GTF2IRD2: variants seen among roughly 807,000 people sequenced by gnomAD.
GTF2IRD2 encodes the protein GTF2I repeat domain containing 2.
GTF2IRD2 carries 8 observed loss-of-function variants against 49.2 expected under a neutral mutation model. That is an observed-to-expected ratio of 0.16 (90% CI 0.10 to 0.29). The LOEUF is 0.29. Among genes scored for constraint, GTF2IRD2 ranks in the 10% least tolerant of loss-of-function variants. The pLI is 1.00. For synonymous variants in GTF2IRD2, 47 were observed against 289.7 expected (o/e 0.16, Z 8.51); for missense variants, 130 against 725.7 (o/e 0.18, Z 9.43).
At chr7:74,798,564 A>G (rs1797212153) in intron 15 of GTF2IRD2, among the ~76,000 whole-genome samples, 1 of 151,110 alleles carries the variant, frequency 6.6e-6, no homozygotes, top group African/African-American at 2.4e-5. Context: ...GCTGCAGTGC[A>G]GTGGCGCAAT....
At chr7:74,818,213 T>C (rs1299257839) in intron 8 of GTF2IRD2, among the ~76,000 whole-genome samples, 7 of 46,618 alleles carry the variant, frequency 1.5e-4, no homozygotes, top group Non-Finnish European at 2.2e-4. Context: ...TGTACCTATA[T>C]TGTAAAACAT....
At position 74,836,288 on chromosome 7, in the gene GTF2IRD2, C is replaced by T. The variant is rs200003286; in HGVS notation, c.91G>A (p.Glu31Lys). The change falls in exon 2 of 16, where the codon GAA becomes AAA. Residue 31 changes from glutamate (E) to lysine (K), a missense_variant. Coordinates refer to ENST00000451013, the MANE Select transcript of GTF2IRD2 (RefSeq NM_173537.5). ...GTGTCAGGCTGTCTCACCATGGATTCGAGGGCAGACACGAGGAATGTCACC... is the reference window on the plus strand; with the variant it reads ...GTGTCAGGCTGTCTCACCATGGATTTGAGGGCAGACACGAGGAATGTCACC... ...MVVTFLVSAL[E>K]SMCKELAKSK... The T allele has an allele frequency of 1.3e-5, 21 of 1,609,616 alleles. No individual in the cohort carries two copies. The highest frequency in any genetic ancestry group is 8.5e-5 in the African/African-American group (6 of 70,882).
At chr7:74,829,892 A>AAACAAAAAAAAAAG (rs1436434412) in intron 3 of GTF2IRD2, among the ~76,000 whole-genome samples, 1 of 22,490 alleles carries the variant, frequency 4.4e-5, no homozygotes, top group Non-Finnish European at 1.8e-4. Context: ...TGTCTCAAAA[A>AAACAAAAAAAAAAG]AAAAAAAAAA....
intron 11 of GTF2IRD2, among the ~76,000 whole-genome samples, chr7:74,808,714 A>G (rs1797933604): frequency 1.3e-5 from 1 of 79,120 alleles, no homozygotes; most frequent in Non-Finnish European, 2.9e-5. Context: ...ATTATACTAC[A>G]TTAGAGATTT....
chr7:74,839,440 A>G lies in GTF2IRD2; in HGVS notation c.-5-3057T>C. ...CATCAAAGAATATGTAACGGCAAAG[A>G]CATGTTAAGTTCCCATTCACCAGAA... On this transcript the variant is annotated intron_variant, in intron 1 of 15. Coordinates refer to ENST00000451013, the MANE Select transcript of GTF2IRD2 (RefSeq NM_173537.5). Among the ~76,000 whole-genome samples, 2 of 15,728 alleles carry G rather than the reference A, an allele frequency of 1.3e-4. 1 individual carries two copies. The highest frequency in any genetic ancestry group is 1.9e-4 in the Non-Finnish European group (2 of 10,762). The allele number at this position is 15,728 out of a possible 152,430, so 10.3% of individuals were successfully genotyped here.
intron 1 of GTF2IRD2, among the ~76,000 whole-genome samples, chr7:74,842,353 C>T (rs1347329380): frequency 3.0e-5 from 4 of 135,246 alleles, no homozygotes; most frequent in Admixed American, 7.4e-5. Context: ...CCTCAGCCTC[C>T]TGAGTAGCTA....
At chr7:74,831,512 C>T (rs1554420390) in intron 3 of GTF2IRD2, among the ~76,000 whole-genome samples, 2 of 147,492 alleles carry the variant, frequency 1.4e-5, no homozygotes, top group Admixed American at 6.9e-5. Context: ...CATACACACA[C>T]ACACACACAC....
intron 1 of GTF2IRD2, among the ~76,000 whole-genome samples, chr7:74,851,151 C>G (rs1801561126): frequency 2.3e-5 from 1 of 42,596 alleles, no homozygotes; most frequent in African/African-American, 1.6e-4. Flanking sequence ...CCATTGCCCC[C>G]GCGGCAAGGC....
chr7:74,838,379 A>T lies in GTF2IRD2; in HGVS notation c.-5-1996T>A, dbSNP rs1238255777. 9.3e-5 allele frequency among the ~76,000 whole-genome samples: 10 copies of T among 107,258 alleles called. 1 individual carries two copies. The highest frequency in any genetic ancestry group is 8.6e-4 in the South Asian group (3 of 3,502). The allele number at this position is 107,258 out of a possible 152,430, so 70.4% of individuals were successfully genotyped here. On this transcript the variant is annotated intron_variant, in intron 1 of 15. Transcript: ENST00000451013. ...AAAGCTCACTCTAAATTTTGCCAAG[A>T]TTTTTTTTTTTTTTTTTAGCTTTTT...
At chr7:74,846,794 G>A (rs1259417011) in intron 1 of GTF2IRD2, among the ~76,000 whole-genome samples, 4 of 55,994 alleles carry the variant, frequency 7.1e-5, no homozygotes, top group African/African-American at 2.0e-4. Flanking sequence ...CCATGCGCCT[G>A]GCTAATTTTG....
chr7:74,815,797 GGAAAGAAAGAAAGAAAGAAAGAAAGAAA>G (rs1189790776), intron 8 of GTF2IRD2, among the ~76,000 whole-genome samples: 1 of 45,880 alleles, frequency 2.2e-5, no homozygotes, highest in Non-Finnish European at 4.3e-5. Flanking sequence ...AAAGAAAGAA[GGAAAGAAAGAAAGAAAGAAAGAAAGAAA>G]GAAAGAAAGA....
chr7:74,851,438 C>G lies in GTF2IRD2; in HGVS notation c.-77G>C, dbSNP rs1801581084. 4.4e-5 allele frequency: 2 copies of G among 45,616 alleles called. No individual in the cohort carries two copies. The highest frequency in any genetic ancestry group is 7.5e-5 in the Non-Finnish European group (2 of 26,548). 2.8% of individuals were successfully genotyped at this position (45,616 alleles called of 1,614,324 possible). On this transcript the variant is annotated 5_prime_UTR_variant, in exon 1 of 16. Transcript: ENST00000451013. ...GGGCCACCGGGGAGCAGCCGATGGC[C>G]GAGGGCGGCGGCCGAGAGCCCCGCG... is the stretch of plus-strand genomic sequence containing the variant.
Position 74,796,447 on chromosome 7 carries a change from A to T in GTF2IRD2, c.*215T>A. On this transcript the variant is annotated 3_prime_UTR_variant, in exon 16 of 16. Coordinates refer to ENST00000451013, the MANE Select transcript of GTF2IRD2 (RefSeq NM_173537.5). ...CATGGTGGCGCACGCCTGTAGTCCC[A>T]GCTGCTCGGGAGGCTGAGGCAGGAG... The T allele has an allele frequency of 1.9e-6, 1 of 531,908 alleles. No homozygotes were observed. The highest frequency in any genetic ancestry group is 3.4e-5 in the East Asian group (1 of 29,544). The allele number at this position is 531,908 out of a possible 1,614,324, so 32.9% of individuals were successfully genotyped here.
chr7:74,805,571 T>TC (rs1554417128), intron 12 of GTF2IRD2, among the ~76,000 whole-genome samples: 1 of 844 alleles, frequency 1.2e-3, no homozygotes, highest in Non-Finnish European at 2.2e-3. Flanking sequence ...TTCCTTTTTT[T>TC]CCTCTCTTTT....
intron 1 of GTF2IRD2, among the ~76,000 whole-genome samples, chr7:74,838,405 GT>G: frequency 1.1e-5 from 1 of 92,646 alleles, no homozygotes; most frequent in South Asian, 3.3e-4. Context: ...TTAGCTTTTT[GT>G]TTGTTTTGTT....
intron 1 of GTF2IRD2, among the ~76,000 whole-genome samples, chr7:74,839,608 G>A (rs1229284746): frequency 5.0e-5 from 6 of 118,858 alleles, no homozygotes; most frequent in Middle Eastern, 3.7e-3. Flanking sequence ...AGTTGTCCAA[G>A]CAAAGCTAGA....
chr7:74,811,709 G>A (rs1489901075), intron 9 of GTF2IRD2, among the ~76,000 whole-genome samples: 3 of 48,418 alleles, frequency 6.2e-5, no homozygotes, highest in Admixed American at 7.5e-4. Flanking sequence ...CACCATGCCC[G>A]GCTACTTTTT....
rs782454430 is a variant in GTF2IRD2, at chr7:74,842,553, T to C, written c.-5-6170A>G. Among the ~76,000 whole-genome samples the C allele has an allele frequency of 8.9e-4, 128 of 144,350 alleles. 16 individuals are homozygous for C. The highest frequency in any genetic ancestry group is 1.6e-4 in the Non-Finnish European group (11 of 66,672). 94.7% of individuals were successfully genotyped at this position (144,350 alleles called of 152,430 possible). ...CCCCTATTTTTTAAATTTTTATTTA[T>C]TTTTTCTGACAGGGTCTCATTCTGT... On this transcript the variant is annotated intron_variant, in intron 1 of 15. Coordinates refer to ENST00000451013, the MANE Select transcript of GTF2IRD2 (RefSeq NM_173537.5).
chr7:74,825,681 T>C (rs1554419430), intron 3 of GTF2IRD2, among the ~76,000 whole-genome samples: 1 of 150,808 alleles, frequency 6.6e-6, no homozygotes, highest in Admixed American at 6.6e-5. Flanking sequence ...GTTTTAAAAC[T>C]GATTGTTTTC....
Sources: gnomAD v4.1 joint callset for allele counts (sites outside exome capture counted in the v4.1 genomes callset) on GRCh38, gnomAD v4.1.1 for gene constraint, MANE v1.5 for transcripts, NCBI Gene and HGNC (gene_info 2026-07-23, HGNC 2026-07-21) for gene names.